Variants in PTPRK observed in about 807,000 individuals in gnomAD.
The protein encoded by PTPRK is protein tyrosine phosphatase receptor type K, also known as receptor-type tyrosine-protein phosphatase kappa.
PTPRK carries 75 observed loss-of-function variants against 178.0 expected under a neutral mutation model. The ratio of observed to expected loss-of-function variants is 0.42; its 90% CI spans 0.35 to 0.51. The LOEUF is 0.51. PTPRK is among the 20% of genes least tolerant of loss of function. PTPRK has a pLI of 0.02. For synonymous variants in PTPRK, 637 were observed against 620.6 expected (o/e 1.03, Z -0.39); for missense variants, 1,441 against 1,797.8 (o/e 0.80, Z 3.59).
chr6:128,262,857 C>CAAAAAAAAAAAAAAAAAAAAAA (rs747334195), intron 3 of PTPRK, among the ~76,000 whole-genome samples: 1 of 75,106 alleles, frequency 1.3e-5, no homozygotes, highest in African/African-American at 5.1e-5. Context: ...AACCAATAAC[C>CAAAAAAAAAAAAAAAAAAAAAA]AAAAAAAAAA....
chr6:128,252,069 C>T (rs1010414346), intron 3 of PTPRK, among the ~76,000 whole-genome samples: 25 of 152,126 alleles, frequency 1.6e-4, no homozygotes, highest in African/African-American at 5.8e-4. Context: ...TGTAAAAAGT[C>T]AGGACCACAG....
intron 3 of PTPRK, among the ~76,000 whole-genome samples, chr6:128,292,316 C>G (rs990949297): frequency 6.6e-6 from 1 of 151,940 alleles, no homozygotes; most frequent in African/African-American, 2.4e-5. Context: ...AAACATAAAT[C>G]TTCTCATAGT....
At chr6:128,507,219 A>G (rs1440322433) in intron 1 of PTPRK, among the ~76,000 whole-genome samples, 2 of 152,172 alleles carry the variant, frequency 1.3e-5, no homozygotes, top group East Asian at 3.8e-4. Flanking sequence ...CAAAATGGGC[A>G]TAAAATATCA....
chr6:128,462,625 T>C (rs1313879523), intron 1 of PTPRK, among the ~76,000 whole-genome samples: 1 of 142,954 alleles, frequency 7.0e-6, no homozygotes, highest in Non-Finnish European at 1.5e-5. Context: ...AGTAGGTATA[T>C]TTTATTTATT....
intron 3 of PTPRK, among the ~76,000 whole-genome samples, chr6:128,252,137 A>AT (rs1816562727): frequency 6.6e-6 from 1 of 152,258 alleles, no homozygotes; most frequent in South Asian, 2.1e-4. Flanking sequence ...TGTATGAAAG[A>AT]AAAGCCCAAA....
chr6:128,199,355 A>C (rs1007835700), intron 6 of PTPRK, among the ~76,000 whole-genome samples: 1 of 152,162 alleles, frequency 6.6e-6, no homozygotes, highest in African/African-American at 2.4e-5. Flanking sequence ...AAACCAGATA[A>C]GAGTATAAAC....
chr6:128,416,558 G>A (rs1205355411), intron 1 of PTPRK, among the ~76,000 whole-genome samples: 1 of 150,872 alleles, frequency 6.6e-6, no homozygotes, highest in African/African-American at 2.4e-5. Context: ...TGAGGCAGGA[G>A]AATGGCGTGA....
chr6:128,053,320 G>A (rs1307116498), intron 13 of PTPRK, among the ~76,000 whole-genome samples: 2 of 151,914 alleles, frequency 1.3e-5, no homozygotes, highest in Non-Finnish European at 2.9e-5. Flanking sequence ...TGCAGACTCA[G>A]GCAACCGGCA....
intron 3 of PTPRK, among the ~76,000 whole-genome samples, chr6:128,302,440 A>ATGTG (rs1280919018): frequency 6.6e-6 from 1 of 150,996 alleles, no homozygotes. Flanking sequence ...ACAGAATATC[A>ATGTG]TGTGCGTCAG....
intron 13 of PTPRK, among the ~76,000 whole-genome samples, chr6:128,040,761 C>A (rs935929431): frequency 6.6e-6 from 1 of 151,962 alleles, no homozygotes; most frequent in African/African-American, 2.4e-5. Flanking sequence ...TTTGCAAGCA[C>A]CTGAATTTCT....
chr6:128,077,129 C>G (rs1467658515), intron 11 of PTPRK, among the ~76,000 whole-genome samples: 3 of 151,996 alleles, frequency 2.0e-5, no homozygotes, highest in Non-Finnish European at 4.4e-5. Flanking sequence ...TAGCTGGTAG[C>G]TGATTTAAGC....
In PTPRK at chr6:128,491,998, T is replaced by A. The variant is rs1853866775; in HGVS notation, c.100+28261A>T. ...TAATCTTCTAATTGTGGAAGTCTGA[T>A]CCTATCACTCCCCTGCCTATCTGCC... is the stretch of plus-strand genomic sequence containing the variant. On this transcript the variant is annotated intron_variant, in intron 1 of 29. Coordinates refer to ENST00000368226, the MANE Select transcript of PTPRK (RefSeq NM_002844.4). 1.5e-4 allele frequency: 57 copies of A among 371,880 alleles called. 1 individual carries two copies. Among genetic ancestry groups the A allele is most frequent in the South Asian group, 1.1e-3 (54 of 50,756 alleles). 23.0% of individuals were successfully genotyped at this position (371,880 alleles called of 1,614,324 possible).
chr6:128,512,219 A>C (rs1387388909), intron 1 of PTPRK, among the ~76,000 whole-genome samples: 4 of 152,166 alleles, frequency 2.6e-5, no homozygotes, highest in Admixed American at 2.6e-4. Context: ...AATTAAGTAC[A>C]TATGGAAATA....
intron 5 of PTPRK, among the ~76,000 whole-genome samples, chr6:128,237,230 C>T (rs1408147911): frequency 4.6e-5 from 7 of 152,152 alleles, no homozygotes; most frequent in Non-Finnish European, 8.8e-5. Context: ...CCAATTGAAG[C>T]TCAATACTAC....
At chr6:128,377,500 G>A (rs749915508) in intron 2 of PTPRK, among the ~76,000 whole-genome samples, 5 of 151,972 alleles carry the variant, frequency 3.3e-5, no homozygotes, top group Non-Finnish European at 5.9e-5. Context: ...GATTTTGGTG[G>A]GGACACAGAG....
At chr6:128,197,235 GC>G (rs1220611379) in intron 6 of PTPRK, among the ~76,000 whole-genome samples, 1 of 133,920 alleles carries the variant, frequency 7.5e-6, no homozygotes, top group Non-Finnish European at 1.5e-5. Flanking sequence ...GGATACATGT[GC>G]AGAACATGCA....
intron 2 of PTPRK, 137 bp downstream of exon 2, chr6:128,397,429 G>T: frequency 2.1e-6 from 2 of 952,200 alleles, no homozygotes; most frequent in South Asian, 2.4e-5. Context: ...AAAGAATAAG[G>T]CTCTTAGAAG....
intron 3 of PTPRK, among the ~76,000 whole-genome samples, chr6:128,289,190 A>C (rs1822982594): frequency 6.6e-6 from 1 of 152,160 alleles, no homozygotes. Flanking sequence ...TGAAAAGCAT[A>C]CCAGGTGATT....
intron 1 of PTPRK, among the ~76,000 whole-genome samples, chr6:128,433,490 T>C (rs1845108205): frequency 6.6e-6 from 1 of 152,098 alleles, no homozygotes; most frequent in South Asian, 2.1e-4. Context: ...TCTAATAGTT[T>C]TTTTTTTGTA....
Sources: gnomAD v4.1 joint callset for allele counts (sites outside exome capture counted in the v4.1 genomes callset) on GRCh38, gnomAD v4.1.1 for gene constraint, MANE v1.5 for transcripts, NCBI Gene and HGNC (gene_info 2026-07-23, HGNC 2026-07-21) for gene names.